The following C1orf21 variants were observed in gnomAD, a reference collection of about 807,000 sequenced individuals.
C1orf21 encodes uncharacterized protein C1orf21.
In C1orf21, 3 loss-of-function variants were observed where a neutral mutation model predicts 18.7. The observed-to-expected ratio is 0.16, with a 90% CI of 0.07 to 0.42. C1orf21 has a LOEUF of 0.42. C1orf21 is among the 10% of genes least tolerant of loss of function. C1orf21 has a pLI of 0.99. For missense variants in C1orf21, 104 were observed against 143.6 expected (o/e 0.72, Z 1.41); for synonymous variants, 41 against 46.4 (o/e 0.88, Z 0.47).
At chr1:184,525,030 C>G (rs1443431809) in intron 3 of C1orf21, among the ~76,000 whole-genome samples, 1 of 151,768 alleles carries the variant, frequency 6.6e-6, no homozygotes, top group Non-Finnish European at 1.5e-5. Context: ...ATTTTTTTCT[C>G]CCTAAAGAGT....
At chr1:184,581,732 T>C (rs1235087794) in intron 3 of C1orf21, among the ~76,000 whole-genome samples, 4 of 152,244 alleles carry the variant, frequency 2.6e-5, no homozygotes, top group Non-Finnish European at 5.9e-5. Flanking sequence ...AGCAATTTTT[T>C]ACAACTCTGT....
At chr1:184,439,679 A>G (rs1656915066) in intron 1 of C1orf21, among the ~76,000 whole-genome samples, 1 of 151,958 alleles carries the variant, frequency 6.6e-6, no homozygotes, top group Admixed American at 6.6e-5. Context: ...GGCTGGGCAC[A>G]GTGGCTCACG....
chr1:184,478,028 C>A (rs1657598267), intron 2 of C1orf21, among the ~76,000 whole-genome samples: 2 of 152,078 alleles, frequency 1.3e-5, no homozygotes, highest in South Asian at 4.1e-4. Context: ...ATAATTTATA[C>A]AAAGTGGTAT....
At chr1:184,571,032 G>C (rs963652325) in intron 3 of C1orf21, among the ~76,000 whole-genome samples, 3 of 152,118 alleles carry the variant, frequency 2.0e-5, no homozygotes, top group Non-Finnish European at 4.4e-5. Flanking sequence ...GGTGGCTCAC[G>C]CCTGTAATCC....
intron 3 of C1orf21, among the ~76,000 whole-genome samples, chr1:184,530,527 CT>C (rs1658444773): frequency 6.7e-6 from 1 of 149,710 alleles, no homozygotes; most frequent in Non-Finnish European, 1.5e-5. Flanking sequence ...CTTTTGAGTT[CT>C]TTTTATGCTT....
intron 1 of C1orf21, among the ~76,000 whole-genome samples, chr1:184,411,526 A>G (rs1336509747): frequency 7.1e-6 from 1 of 141,250 alleles, no homozygotes; most frequent in Non-Finnish European, 1.5e-5. Flanking sequence ...GGTTCACGCC[A>G]TTCTCCTGCC....
At chr1:184,460,617 G>GTCTTCTTCTTCTTCTTCTTCTTCTTCT (rs1300212650) in intron 1 of C1orf21, among the ~76,000 whole-genome samples, 3 of 116,478 alleles carry the variant, frequency 2.6e-5, no homozygotes, top group African/African-American at 1.1e-4. Flanking sequence ...TATTGTCGTC[G>GTCTTCTTCTTCTTCTTCTTCTTCTTCT]TCGTCTTCTT....
intron 3 of C1orf21, among the ~76,000 whole-genome samples, chr1:184,571,454 C>T (rs1321762480): frequency 6.6e-6 from 1 of 152,172 alleles, no homozygotes; most frequent in Non-Finnish European, 1.5e-5. Flanking sequence ...TCAATGCCGG[C>T]TATATGTATT....
At chr1:184,520,524 C>T (rs2101968930) in intron 3 of C1orf21, among the ~76,000 whole-genome samples, 1 of 152,306 alleles carries the variant, frequency 6.6e-6, no homozygotes, top group East Asian at 1.9e-4. Context: ...GGAACGCCAA[C>T]TGCAGACAAA....
chr1:184,464,946 T>C (rs1232494579), intron 1 of C1orf21, among the ~76,000 whole-genome samples: 1 of 152,130 alleles, frequency 6.6e-6, no homozygotes, highest in Non-Finnish European at 1.5e-5. Flanking sequence ...TCTCTCTCTC[T>C]TTTAAAGAGA....
At chr1:184,477,143 A>G (rs1407112169) in intron 1 of C1orf21, among the ~76,000 whole-genome samples, 1 of 152,136 alleles carries the variant, frequency 6.6e-6, no homozygotes, top group Non-Finnish European at 1.5e-5. Context: ...ATCTCCTCAA[A>G]AAGTTCACTC....
intron 2 of C1orf21, among the ~76,000 whole-genome samples, chr1:184,489,487 C>A (rs1432687818): frequency 6.6e-6 from 1 of 152,162 alleles, no homozygotes; most frequent in Non-Finnish European, 1.5e-5. Flanking sequence ...CAACGCAGAA[C>A]AATTTTTCTG....
intron 1 of C1orf21, among the ~76,000 whole-genome samples, chr1:184,443,433 T>C (rs2101976043): frequency 6.6e-6 from 1 of 152,314 alleles, no homozygotes; most frequent in South Asian, 2.1e-4. Context: ...AAAAATACCA[T>C]GTTAACTTTC....
intron 1 of C1orf21, among the ~76,000 whole-genome samples, chr1:184,426,000 C>T (rs1656631301): frequency 6.6e-6 from 1 of 152,212 alleles, no homozygotes; most frequent in Non-Finnish European, 1.5e-5. Flanking sequence ...TTGATATTGG[C>T]CATCCCACCC....
chr1:184,489,277 G>A (rs1033774339), intron 2 of C1orf21, among the ~76,000 whole-genome samples: 1 of 151,932 alleles, frequency 6.6e-6, no homozygotes, highest in Non-Finnish European at 1.5e-5. Context: ...TTGAAAAATG[G>A]ACAAAGTTCA....
At chr1:184,555,505 T>A (rs1658865155) in intron 3 of C1orf21, among the ~76,000 whole-genome samples, 1 of 151,618 alleles carries the variant, frequency 6.6e-6, no homozygotes. Flanking sequence ...TGTGCTGTGA[T>A]GTGGGAATAG....
At chr1:184,477,651 C>G in intron 2 of C1orf21, 48 bp downstream of exon 2, 2 of 1,476,224 alleles carry the variant, frequency 1.4e-6, no homozygotes, top group Non-Finnish European at 1.9e-6. Context: ...CTAGGCCTTT[C>G]ACTTTTTTTT....
At chr1:184,481,980 TC>T (rs1245554129) in intron 2 of C1orf21, among the ~76,000 whole-genome samples, 1 of 152,216 alleles carries the variant, frequency 6.6e-6, no homozygotes, top group Non-Finnish European at 1.5e-5. Flanking sequence ...GTTTTCAAAA[TC>T]CCACAATGAT....
chr1:184,532,934 A>G (rs1658489496), intron 3 of C1orf21, among the ~76,000 whole-genome samples: 1 of 152,204 alleles, frequency 6.6e-6, no homozygotes, highest in African/African-American at 2.4e-5. Context: ...AGGTGGTGCA[A>G]CAGTGATGAC....
Sources: allele counts gnomAD v4.1 joint callset (sites outside exome capture counted in the v4.1 genomes callset), GRCh38; gene constraint gnomAD v4.1.1; transcripts MANE v1.5; gene names NCBI Gene and HGNC (gene_info 2026-07-23, HGNC 2026-07-21).